CNOT6L: variants seen among roughly 807,000 people sequenced by gnomAD.
The protein encoded by CNOT6L is CCR4-NOT transcription complex subunit 6-like.
In CNOT6L, 7 loss-of-function variants were observed where a neutral mutation model predicts 64.0. The observed-to-expected ratio is 0.11, with a 90% CI of 0.06 to 0.21. The LOEUF (loss-of-function observed/expected upper bound fraction) is 0.21, where lower values mean the gene tolerates loss of function less well. Ranked by LOEUF, CNOT6L falls within the 10% of genes least tolerant of loss-of-function variation. The pLI is 1.00. For missense variants in CNOT6L, 245 were observed against 669.0 expected (o/e 0.37, Z 6.99); for synonymous variants, 193 against 243.4 (o/e 0.79, Z 1.93).
chr4:77,806,879 T>A (rs1448431306), intron 1 of CNOT6L, among the ~76,000 whole-genome samples: 3 of 152,232 alleles, frequency 2.0e-5, no homozygotes, highest in Non-Finnish European at 4.4e-5. Context: ...GATCTGCTGA[T>A]ATGATTTCCA....
intron 9 of CNOT6L, 46 bp from the exon 10 acceptor site, chr4:77,729,127 T>G: frequency 6.8e-7 from 1 of 1,473,430 alleles, no homozygotes; most frequent in South Asian, 1.2e-5. Context: ...TGCTTTATGT[T>G]TGAAGAAATG....
chr4:77,819,863 G>A (rs1050803048), upstream of CNOT6L, among the ~76,000 whole-genome samples: 5 of 151,480 alleles, frequency 3.3e-5, no homozygotes, highest in African/African-American at 1.2e-4. Flanking sequence ...CGGGAAGGGG[G>A]ACGAGGGCCG....
chr4:77,743,586 CTTTTTTTTTTT>C (rs142888128), intron 7 of CNOT6L, among the ~76,000 whole-genome samples: 37 of 70,892 alleles, frequency 5.2e-4, no homozygotes, highest in African/African-American at 2.0e-3. Context: ...TAACACACAA[CTTTTTTTTTTT>C]TTTTTTTTTT....
chr4:77,752,512 T>C (rs1303249001), intron 5 of CNOT6L, among the ~76,000 whole-genome samples: 1 of 152,230 alleles, frequency 6.6e-6, no homozygotes, highest in Non-Finnish European at 1.5e-5. Flanking sequence ...AACATTTAAA[T>C]TAATCAAGAT....
intron 9 of CNOT6L, among the ~76,000 whole-genome samples, chr4:77,730,864 GA>G (rs1722373950): frequency 6.6e-6 from 1 of 152,066 alleles, no homozygotes. Flanking sequence ...GTCTGTGTAT[GA>G]AGTACATAAT....
chr4:77,728,632 T>A (rs1046991601), intron 10 of CNOT6L, among the ~76,000 whole-genome samples: 23 of 152,332 alleles, frequency 1.5e-4, no homozygotes, highest in Middle Eastern at 3.4e-3. Context: ...AATCCCCTAG[T>A]GGCAGAGTAC....
chr4:77,819,960 G>A (rs1413362691), upstream of CNOT6L, among the ~76,000 whole-genome samples: 2 of 151,954 alleles, frequency 1.3e-5, no homozygotes, highest in Non-Finnish European at 1.5e-5. Context: ...CCAGCCGAAG[G>A]AAGCTGCGCC....
chr4:77,772,651 G>A (rs906679457), intron 4 of CNOT6L, among the ~76,000 whole-genome samples: 8 of 152,074 alleles, frequency 5.3e-5, no homozygotes, highest in African/African-American at 9.7e-5. Context: ...GGCAGGGCAC[G>A]GTGGCTCACA....
chr4:77,724,970 C>T (rs1213800815), intron 11 of CNOT6L, among the ~76,000 whole-genome samples: 1 of 152,152 alleles, frequency 6.6e-6, no homozygotes. Context: ...GATTCTGCTA[C>T]AGAAGTACTT....
At chr4:77,796,571 C>A (rs770108900) in intron 1 of CNOT6L, among the ~76,000 whole-genome samples, 3 of 152,176 alleles carry the variant, frequency 2.0e-5, no homozygotes, top group Middle Eastern at 3.4e-3. Flanking sequence ...TTCTTGCCTG[C>A]GAACCAGGAG....
At chr4:77,819,486 G>T, upstream of CNOT6L, 1 of 1,346,866 alleles carries the variant, frequency 7.4e-7, no homozygotes, top group Non-Finnish European at 1.0e-6. Flanking sequence ...CGCCCGCCCC[G>T]AGGGGAAGCC....
chr4:77,777,801 T>C (rs558512453), intron 1 of CNOT6L, among the ~76,000 whole-genome samples: 1 of 152,030 alleles, frequency 6.6e-6, no homozygotes, highest in East Asian at 1.9e-4. Flanking sequence ...CATATAGAGA[T>C]TAAAGAAAAA....
intron 1 of CNOT6L, among the ~76,000 whole-genome samples, chr4:77,800,539 C>T (rs962614358): frequency 1.5e-4 from 23 of 152,106 alleles, no homozygotes; most frequent in African/African-American, 5.3e-4. Flanking sequence ...AAAATAAAGT[C>T]TTGTATACAA....
Position 77,812,641 on chromosome 4 carries a change from T to C in CNOT6L, c.5+6663A>G, listed in dbSNP as rs536630169. The stretch of plus-strand genomic sequence containing the variant: ...CAGCAACAGAAGTATGAAACTTATA[T>C]TCTGAAAACTATGAAACACTGTTGA... On this transcript the variant is annotated intron_variant, in intron 1 of 11. Transcript: ENST00000504123. 1.4e-3 allele frequency among the ~76,000 whole-genome samples: 213 copies of C among 152,162 alleles called. 1 individual carries two copies. Among genetic ancestry groups the C allele is most frequent in the African/African-American group, 4.9e-3 (202 of 41,518 alleles).
At chr4:77,787,695 A>G (rs539500517) in intron 1 of CNOT6L, among the ~76,000 whole-genome samples, 4 of 152,314 alleles carry the variant, frequency 2.6e-5, no homozygotes, top group African/African-American at 9.6e-5. Flanking sequence ...TAAATTTGGG[A>G]TTCTTTAGGT....
chr4:77,757,105 G>A (rs1228291536), intron 4 of CNOT6L, among the ~76,000 whole-genome samples, 154 bp from the exon 5 acceptor site: 2 of 152,064 alleles, frequency 1.3e-5, no homozygotes, highest in Non-Finnish European at 2.9e-5. Context: ...AAAAATGTAT[G>A]TGTAAATAAA....
chr4:77,819,066 A>ACACACACACC (rs1238528507), intron 1 of CNOT6L: 1 of 712,802 alleles, frequency 1.4e-6, no homozygotes, highest in South Asian at 1.6e-5. Flanking sequence ...ACACACACAC[A>ACACACACACC]CACACACACC....
At chr4:77,777,518 T>C (rs1049800930) in intron 1 of CNOT6L, among the ~76,000 whole-genome samples, 1 of 152,164 alleles carries the variant, frequency 6.6e-6, no homozygotes, top group African/African-American at 2.4e-5. Flanking sequence ...AGGGGTCCAA[T>C]ATAAGAAGTA....
intron 6 of CNOT6L, among the ~76,000 whole-genome samples, chr4:77,745,439 A>G (rs1488875816): frequency 6.6e-6 from 1 of 152,178 alleles, no homozygotes; most frequent in African/African-American, 2.4e-5. Flanking sequence ...GCAAACTAAT[A>G]GTAGAAGATG....
Sources: gnomAD v4.1 joint callset for allele counts (sites outside exome capture counted in the v4.1 genomes callset) on GRCh38, gnomAD v4.1.1 for gene constraint, MANE v1.5 for transcripts, NCBI Gene and HGNC (gene_info 2026-07-23, HGNC 2026-07-21) for gene names.